NCAM2: variants seen among roughly 807,000 people sequenced by gnomAD.
NCAM2 encodes N-CAM-2.
In NCAM2, 30 loss-of-function variants were observed where a neutral mutation model predicts 98.1. That is an observed-to-expected ratio of 0.31 (90% CI 0.23 to 0.41). The LOEUF (loss-of-function observed/expected upper bound fraction) is 0.41, where lower values mean the gene tolerates loss of function less well. Among genes scored for constraint, NCAM2 ranks in the 10% least tolerant of loss-of-function variants. The pLI, the probability that NCAM2 is intolerant of heterozygous loss-of-function variation, is 1.00. For synonymous variants in NCAM2, 368 were observed against 342.4 expected, an observed-to-expected ratio of 1.07 and a Z score of -0.83; for missense variants, 867 against 1,005.8, an observed-to-expected ratio of 0.86 and a Z score of 1.87.
chr21:21,025,552 T>C (rs977589263), intron 1 of NCAM2, among the ~76,000 whole-genome samples: 3 of 152,334 alleles, frequency 2.0e-5, no homozygotes, highest in Admixed American at 2.0e-4. Flanking sequence ...GAGTCTTTAC[T>C]GAATATGAAC....
chr21:21,295,129 G>A (rs2073429470), intron 5 of NCAM2, among the ~76,000 whole-genome samples: 1 of 151,740 alleles, frequency 6.6e-6, no homozygotes, highest in South Asian at 2.1e-4. Context: ...CCAGTCAAAT[G>A]TTTTTTCACA....
intron 1 of NCAM2, among the ~76,000 whole-genome samples, chr21:21,254,665 A>G (rs1384907299): frequency 6.6e-6 from 1 of 152,152 alleles, no homozygotes; most frequent in Non-Finnish European, 1.5e-5. Flanking sequence ...AGCTCATTTC[A>G]CCATTTCCTT....
intron 1 of NCAM2, among the ~76,000 whole-genome samples, chr21:21,279,961 A>G (rs1412125258): frequency 6.6e-6 from 1 of 152,198 alleles, no homozygotes; most frequent in Non-Finnish European, 1.5e-5. Flanking sequence ...AAACTTCTAG[A>G]TATTCAAGTA....
intron 1 of NCAM2, among the ~76,000 whole-genome samples, chr21:21,150,878 A>G (rs1007677721): frequency 6.6e-6 from 1 of 151,890 alleles, no homozygotes; most frequent in African/African-American, 2.4e-5. Context: ...ATTTTATGAA[A>G]AAGTTTATAG....
At chr21:21,180,103 A>T (rs1175300254) in intron 1 of NCAM2, among the ~76,000 whole-genome samples, 1 of 152,032 alleles carries the variant, frequency 6.6e-6, no homozygotes, top group African/African-American at 2.4e-5. Flanking sequence ...TCTCCTCATC[A>T]CTACTTGGCC....
chr21:21,344,675 T>G (rs914857070), intron 8 of NCAM2, among the ~76,000 whole-genome samples: 2 of 152,124 alleles, frequency 1.3e-5, no homozygotes, highest in Non-Finnish European at 2.9e-5. Flanking sequence ...AGACAGCACC[T>G]CTGGACCCAC....
rs770122261 is a variant in NCAM2 at position 21,210,551 on chromosome 21, A to C, written c.56-70027A>C. The C allele has an allele frequency of 5.9e-5, 76 of 1,288,110 alleles. 1 individual carries two copies. The African/African-American group carries it at 8.9e-4, about 15-fold the overall frequency. 79.8% of individuals were successfully genotyped at this position (1,288,110 alleles called of 1,614,324 possible). A position where few individuals can be genotyped will look rare whatever the true frequency, so the allele number is the denominator to read the frequency against. On this transcript the variant is annotated intron_variant, in intron 1 of 17. Coordinates refer to ENST00000400546, the MANE Select transcript of NCAM2 (RefSeq NM_004540.5). The stretch of plus-strand genomic sequence containing the variant: ...AATTTCTTCTTTCAGAGTTATTTGA[A>C]GAGTACCACGATGGTGAGATCTGAT...
intron 1 of NCAM2, among the ~76,000 whole-genome samples, chr21:21,235,244 T>C (rs2070773869): frequency 6.6e-6 from 1 of 152,042 alleles, no homozygotes; most frequent in Non-Finnish European, 1.5e-5. Context: ...AATTCAATTT[T>C]TTATAAGAAC....
chr21:21,419,339 C>A (rs1441523144), intron 11 of NCAM2, among the ~76,000 whole-genome samples: 4 of 100,958 alleles, frequency 4.0e-5, no homozygotes, highest in Admixed American at 1.1e-4. Flanking sequence ...ATGTTAGGAA[C>A]GGTCATGGTT....
intron 14 of NCAM2, 46 bp downstream of exon 14, chr21:21,468,829 TA>T: frequency 6.5e-7 from 1 of 1,535,850 alleles, no homozygotes; most frequent in Non-Finnish European, 8.9e-7. Context: ...TTTTTCAAAT[TA>T]AATTGAGTTG....
At chr21:21,439,740 A>T (rs181859797) in intron 12 of NCAM2, among the ~76,000 whole-genome samples, 3 of 152,248 alleles carry the variant, frequency 2.0e-5, no homozygotes, top group African/African-American at 7.2e-5. Flanking sequence ...CATTCAAAAA[A>T]CAAATTATTC....
chr21:21,237,632 A>AT (rs2070885803), intron 1 of NCAM2, among the ~76,000 whole-genome samples: 1 of 152,090 alleles, frequency 6.6e-6, no homozygotes, highest in African/African-American at 2.4e-5. Flanking sequence ...CACATGTTCT[A>AT]TTGGACAGTT....
chr21:21,248,776 CAAAAAAAAAAAAAAAAAAAAAAAAAAAAA>C (rs1171857115), intron 1 of NCAM2, among the ~76,000 whole-genome samples: 1 of 50,654 alleles, frequency 2.0e-5, no homozygotes, highest in Non-Finnish European at 3.2e-5. Context: ...GACTCTGTCT[CAAAAAAAAAAAAAAAAAAAAAAAAAAAAA>C]AAAAAAAAAA....
At chr21:21,325,293 A>G (rs2074484273) in intron 6 of NCAM2, among the ~76,000 whole-genome samples, 1 of 152,192 alleles carries the variant, frequency 6.6e-6, no homozygotes. Flanking sequence ...TCAGAAGTGC[A>G]AAAGTGTCCC....
At chr21:21,480,517 C>G (rs1007919905) in intron 15 of NCAM2, among the ~76,000 whole-genome samples, 1 of 151,800 alleles carries the variant, frequency 6.6e-6, no homozygotes, top group Non-Finnish European at 1.5e-5. Flanking sequence ...ATGATCTGTT[C>G]TAGGAGGTGG....
intron 11 of NCAM2, among the ~76,000 whole-genome samples, chr21:21,425,246 A>G (rs1005963318): frequency 1.3e-5 from 2 of 151,740 alleles, no homozygotes; most frequent in Non-Finnish European, 2.9e-5. Flanking sequence ...CATGTACCCT[A>G]AAATTTAAAG....
rs369570953 is a variant in NCAM2, at chr21:21,225,562, CTT to C, written c.56-55015_56-55014del. On this transcript the variant is annotated intron_variant, in intron 1 of 17. Coordinates refer to ENST00000400546, the MANE Select transcript of NCAM2 (RefSeq NM_004540.5). ...GTGTTAATTAAATGATGCTAAATAA[CTT>C]ATTACAGGGGTCAGAATATGTCTGC... Among the ~76,000 whole-genome samples, 8 of 152,028 alleles carry C rather than the reference CTT, an allele frequency of 5.3e-5. No homozygotes were observed. In the East Asian group the frequency reaches 1.6e-3, roughly 29 times the overall value.
chr21:21,178,805 A>C (rs961785889), intron 1 of NCAM2, among the ~76,000 whole-genome samples: 1 of 152,044 alleles, frequency 6.6e-6, no homozygotes, highest in Non-Finnish European at 1.5e-5. Context: ...TTTTCTAAAA[A>C]ATGATTACTA....
intron 11 of NCAM2, among the ~76,000 whole-genome samples, chr21:21,419,012 T>C (rs1399590051): frequency 9.2e-5 from 14 of 152,150 alleles, no homozygotes; most frequent in Non-Finnish European, 1.3e-4. Context: ...CAATTTTGCA[T>C]GCATAAAAAT....
Sources: allele counts gnomAD v4.1 joint callset (sites outside exome capture counted in the v4.1 genomes callset), GRCh38; gene constraint gnomAD v4.1.1; transcripts MANE v1.5; gene names NCBI Gene and HGNC (gene_info 2026-07-23, HGNC 2026-07-21).